Variants in CERS6 observed in about 807,000 individuals in gnomAD.
CERS6 encodes ceramide synthase 6, also known as LAG1 homolog, ceramide synthase 6.
Under a neutral mutation model 56.8 loss-of-function variants are expected in CERS6, and 26 were observed. The observed-to-expected ratio is 0.46, with a 90% CI of 0.34 to 0.63. The LOEUF is 0.63. Ranked by LOEUF, CERS6 falls within the 30% of genes least tolerant of loss-of-function variation. The pLI, the probability that CERS6 is intolerant of heterozygous loss-of-function variation, is 0.01. For synonymous variants in CERS6, 164 were observed against 173.3 expected (o/e 0.95, Z 0.42); for missense variants, 415 against 467.5 (o/e 0.89, Z 1.04).
chr2:168,688,430 A>AG (rs1553508799), intron 4 of CERS6, among the ~76,000 whole-genome samples: 1 of 151,158 alleles, frequency 6.6e-6, no homozygotes, highest in East Asian at 1.9e-4. Flanking sequence ...AAAAAAAAAA[A>AG]GAAGTTATGC....
At position 168,746,725 on chromosome 2, in the gene CERS6, G is replaced by A. The variant is rs375651123; in HGVS notation, c.846-18867G>A. 2.3e-4 allele frequency among the ~76,000 whole-genome samples: 33 copies of A among 142,976 alleles called. 1 individual carries two copies. The East Asian group carries it at 6.5e-3, about 28-fold the overall frequency. 93.8% of individuals were successfully genotyped at this position (142,976 alleles called of 152,430 possible). On this transcript the variant is annotated intron_variant, in intron 8 of 9. Transcript: ENST00000305747. ...AAGCAGCTTCCCCTCTTCTGCACCT[G>A]AGAGTTGAACACAAGTAGCTATTTC...
rs533482313 is a variant in CERS6, at chr2:168,663,885, C to T, written c.466-27149C>T. On this transcript the variant is annotated intron_variant, in intron 4 of 9. Transcript: ENST00000305747. ...TTTTGGTCTTTGGTAGAATTTGGGT[C>T]AGTTAAAAAAAATGGCTGCTCTTCA... 2.0e-5 allele frequency among the ~76,000 whole-genome samples: 3 copies of T among 152,042 alleles called. No homozygotes were observed. The South Asian group carries it at 6.2e-4, about 32-fold the overall frequency.
At chr2:168,601,837 A>G (rs1415449090) in intron 3 of CERS6, among the ~76,000 whole-genome samples, 4 of 152,120 alleles carry the variant, frequency 2.6e-5, no homozygotes, top group African/African-American at 9.7e-5. Flanking sequence ...GGCATGAGCC[A>G]CCTCGCCCAG....
At chr2:168,658,778 C>T (rs1374627971) in intron 4 of CERS6, among the ~76,000 whole-genome samples, 1 of 152,184 alleles carries the variant, frequency 6.6e-6, no homozygotes, top group Non-Finnish European at 1.5e-5. Flanking sequence ...GTTCTTACAG[C>T]ACATTATGTG....
intron 3 of CERS6, among the ~76,000 whole-genome samples, chr2:168,615,659 A>G (rs1434503593): frequency 6.6e-6 from 1 of 152,242 alleles, no homozygotes; most frequent in Non-Finnish European, 1.5e-5. Context: ...AACACAGTCC[A>G]ACAAAGACAA....
intron 6 of CERS6, among the ~76,000 whole-genome samples, chr2:168,701,770 C>A (rs932928109): frequency 6.6e-6 from 1 of 152,086 alleles, no homozygotes; most frequent in Admixed American, 6.5e-5. Flanking sequence ...CTTTGGGAGT[C>A]TGAGGCGGGC....
Position 168,678,858 on chromosome 2 carries a change from G to A in CERS6, c.466-12176G>A, listed in dbSNP as rs61375019. ...TATGTATTCAAAGGGAAGGAAATCA[G>A]TATGTCAAAGAGATATCTGCACTCC... On this transcript the variant is annotated intron_variant, in intron 4 of 9. Coordinates refer to ENST00000305747, the MANE Select transcript of CERS6 (RefSeq NM_203463.3). Among the ~76,000 whole-genome samples, 809 of 152,252 alleles carry A rather than the reference G, an allele frequency of 5.3e-3. 17 individuals are homozygous for A. Among genetic ancestry groups the A allele is most frequent in the African/African-American group, 0.019 (773 of 41,548 alleles).
At chr2:168,733,397 A>T (rs977318920) in intron 8 of CERS6, among the ~76,000 whole-genome samples, 11 of 152,190 alleles carry the variant, frequency 7.2e-5, no homozygotes, top group Non-Finnish European at 1.6e-4. Flanking sequence ...CTGAGAACAG[A>T]TGGAGATTGT....
At chr2:168,757,369 A>G (rs1559082570) in intron 8 of CERS6, among the ~76,000 whole-genome samples, 2 of 151,640 alleles carry the variant, frequency 1.3e-5, no homozygotes, top group Admixed American at 1.3e-4. Context: ...AAAAAAAAAA[A>G]AAAAACATCT....
intron 3 of CERS6, among the ~76,000 whole-genome samples, chr2:168,587,866 T>C (rs1045859541): frequency 3.9e-5 from 6 of 152,254 alleles, no homozygotes; most frequent in Non-Finnish European, 7.4e-5. Context: ...TATAACATTA[T>C]TATTCTTGCC....
chr2:168,712,159 G>T (rs1172082776), intron 6 of CERS6, among the ~76,000 whole-genome samples: 2 of 152,118 alleles, frequency 1.3e-5, no homozygotes, highest in East Asian at 3.9e-4. Flanking sequence ...TTCAGAAAAA[G>T]AGACACCACT....
At chr2:168,715,691 A>C (rs71430644) in intron 7 of CERS6, among the ~76,000 whole-genome samples, 8,376 of 152,250 alleles carry the variant, frequency 0.055, 302 homozygotes, top group Non-Finnish European at 0.085. Context: ...AGAATTCTTA[A>C]AGTGGTAAAA....
rs1399957377 is a variant in CERS6 at position 168,688,336 on chromosome 2, G to A, written c.466-2698G>A. Among the ~76,000 whole-genome samples the A allele has an allele frequency of 3.3e-5, 5 of 151,936 alleles. No homozygotes were observed. In the South Asian group the frequency reaches 1.0e-3, roughly 32 times the overall value. On this transcript the variant is annotated intron_variant, in intron 4 of 9. Coordinates refer to ENST00000305747, the MANE Select transcript of CERS6 (RefSeq NM_203463.3). ...AACTGGAAAATTTTTTATCAATGGAGGCAGGAGAATCATTTGAACGCAGGA... is the reference window on the plus strand; with the variant it reads ...AACTGGAAAATTTTTTATCAATGGAAGCAGGAGAATCATTTGAACGCAGGA...
intron 4 of CERS6, among the ~76,000 whole-genome samples, chr2:168,667,067 G>A (rs940996649): frequency 2.0e-5 from 3 of 152,116 alleles, no homozygotes; most frequent in Admixed American, 1.3e-4. Context: ...CATATGACAT[G>A]GATAAGGCTC....
intron 3 of CERS6, among the ~76,000 whole-genome samples, chr2:168,572,595 A>G (rs544967327): frequency 6.6e-6 from 1 of 152,148 alleles, no homozygotes; most frequent in East Asian, 1.9e-4. Flanking sequence ...CTGCAGAGCA[A>G]ACATGGAAAG....
intron 3 of CERS6, among the ~76,000 whole-genome samples, chr2:168,619,854 C>G (rs1283457857): frequency 6.6e-6 from 1 of 151,568 alleles, no homozygotes; most frequent in Non-Finnish European, 1.5e-5. Context: ...GAAAAGAAGT[C>G]ATTATGTGAA....
intron 8 of CERS6, among the ~76,000 whole-genome samples, chr2:168,731,024 A>G (rs2105412014): frequency 6.6e-6 from 1 of 152,328 alleles, no homozygotes; most frequent in Admixed American, 6.5e-5. Flanking sequence ...AAACAATTCC[A>G]AATGCTTTTA....
At chr2:168,741,101 G>A (rs1172407018) in intron 8 of CERS6, among the ~76,000 whole-genome samples, 1 of 152,128 alleles carries the variant, frequency 6.6e-6, no homozygotes, top group African/African-American at 2.4e-5. Flanking sequence ...CGTGGACTCT[G>A]GATAAACCCT....
At chr2:168,504,932 T>C (rs1280489249) in intron 1 of CERS6, among the ~76,000 whole-genome samples, 1 of 152,116 alleles carries the variant, frequency 6.6e-6, no homozygotes, top group Non-Finnish European at 1.5e-5. Context: ...CAGTGTTAGA[T>C]TTAGCCAAGT....
Sources: allele counts gnomAD v4.1 joint callset (sites outside exome capture counted in the v4.1 genomes callset), GRCh38; gene constraint gnomAD v4.1.1; transcripts MANE v1.5; gene names NCBI Gene and HGNC (gene_info 2026-07-23, HGNC 2026-07-21).